Variants in SRBD1 observed in about 807,000 individuals in gnomAD.
SRBD1 encodes S1 RNA-binding domain-containing protein 1.
SRBD1 carries 88 observed loss-of-function variants against 115.3 expected under a neutral mutation model. The ratio of observed to expected loss-of-function variants is 0.76; its 90% confidence interval spans 0.64 to 0.91. The LOEUF is 0.91. Ranked by LOEUF, SRBD1 falls within the 40% of genes least tolerant of loss-of-function variation. SRBD1 has a pLI of 0.00. For missense variants in SRBD1, 1,385 were observed against 1,177.4 expected, an observed-to-expected ratio of 1.18 and a Z score of -2.58; for synonymous variants, 509 against 407.7, an observed-to-expected ratio of 1.25 and a Z score of -2.99.
chr2:45,546,312 C>G, intron 14 of SRBD1: 1 of 985,410 alleles, frequency 1.0e-6, no homozygotes, highest in Non-Finnish European at 1.2e-6. Context: ...ATTCATAATA[C>G]TTACCTTGGC....
In SRBD1 at chr2:45,392,938, T is replaced by C; in HGVS notation, c.2698+7A>G. The C allele has an allele frequency of 6.3e-7, 1 of 1,597,548 alleles. No homozygotes were observed. The highest frequency in any genetic ancestry group is 8.5e-7 in the Non-Finnish European group (1 of 1,170,766). On this transcript the variant is annotated splice_region_variant and intron_variant, in intron 20 of 20. Coordinates refer to ENST00000263736, the MANE Select transcript of SRBD1 (RefSeq NM_018079.5). ...CAAGGTGCTATAATTCAAGTTCAAC[T>C]GTTTACCTGTTCGAAAGTCAAAGCT...
At chr2:45,561,565 GC>G (rs1016497081) in intron 10 of SRBD1, among the ~76,000 whole-genome samples, 1 of 152,130 alleles carries the variant, frequency 6.6e-6, no homozygotes, top group African/African-American at 2.4e-5. Context: ...CACAGAACTA[GC>G]TGGTGATGAA....
Position 45,599,529 on chromosome 2 carries a change from G to GCC in SRBD1, c.567_568insGG (p.Pro190GlyfsTer22). 1 of 1,614,204 alleles carries GCC rather than the reference G, an allele frequency of 6.2e-7. No homozygotes were observed. ...GGAAACTTGACAGGCTGCCCCTGAGGATATGTCTCAGTCTTGATTTTCTTT... is the reference window on the plus strand; with the variant it reads ...GGAAACTTGACAGGCTGCCCCTGAGGCCATATGTCTCAGTCTTGATTTTCTTT... On this transcript the variant is annotated frameshift_variant, in exon 4 of 21. Transcript: ENST00000263736. LOFTEE classifies it high-confidence loss of function.
At chr2:45,512,731 G>C (rs1671006512) in intron 14 of SRBD1, among the ~76,000 whole-genome samples, 1 of 152,122 alleles carries the variant, frequency 6.6e-6, no homozygotes, top group African/African-American at 2.4e-5. Context: ...TTTTTACATT[G>C]CCAAAGATTC....
intron 16 of SRBD1, among the ~76,000 whole-genome samples, chr2:45,452,448 G>T (rs959458923): frequency 6.6e-6 from 1 of 151,888 alleles, no homozygotes; most frequent in African/African-American, 2.4e-5. Flanking sequence ...AATTAATTAT[G>T]CAGAGATATA....
At chr2:45,469,323 G>A (rs773716119) in intron 16 of SRBD1, among the ~76,000 whole-genome samples, 1 of 152,124 alleles carries the variant, frequency 6.6e-6, no homozygotes, top group Non-Finnish European at 1.5e-5. Context: ...TTTAGAAACT[G>A]TAACAGTGAT....
intron 16 of SRBD1, among the ~76,000 whole-genome samples, chr2:45,457,461 A>G (rs1210310272): frequency 4.6e-5 from 7 of 151,928 alleles, no homozygotes; most frequent in African/African-American, 1.7e-4. Flanking sequence ...TGTGCATATG[A>G]AAATATTCAC....
At chr2:45,591,734 C>G (rs190983832) in intron 4 of SRBD1, among the ~76,000 whole-genome samples, 5 of 152,254 alleles carry the variant, frequency 3.3e-5, no homozygotes, top group Admixed American at 3.3e-4. Flanking sequence ...GGTGATGGTT[C>G]AGCAATTATC....
rs369995385 is a variant in SRBD1 at position 45,433,623 on chromosome 2, AGT to A, written c.2050-13731_2050-13730del. Reference sequence around the variant, plus strand: ...GAGGCTGGGAAACATTTGAGAAAACAGTGTGTGCTTAAGAAAGCTCCTCCTCC... The same window carrying A: ...GAGGCTGGGAAACATTTGAGAAAACAGTGTGCTTAAGAAAGCTCCTCCTCC... On this transcript the variant is annotated intron_variant, in intron 16 of 20. Transcript: ENST00000263736. 5.6e-3 allele frequency among the ~76,000 whole-genome samples: 851 copies of A among 152,332 alleles called. 10 individuals carry two copies. Among genetic ancestry groups the A allele is most frequent in the African/African-American group, 0.019 (797 of 41,580 alleles).
At chr2:45,589,469 G>C (rs1054967307) in intron 4 of SRBD1, among the ~76,000 whole-genome samples, 3 of 152,222 alleles carry the variant, frequency 2.0e-5, no homozygotes, top group African/African-American at 4.8e-5. Flanking sequence ...GAAAGACAGA[G>C]ATGACAGGTG....
intron 11 of SRBD1, 121 bp downstream of exon 11, chr2:45,553,502 G>A: frequency 1.9e-6 from 1 of 530,760 alleles, no homozygotes; most frequent in Non-Finnish European, 3.1e-6. Flanking sequence ...AACACTTTGT[G>A]ATGCTGACTA....
intron 16 of SRBD1, among the ~76,000 whole-genome samples, chr2:45,463,141 A>C (rs1440322355): frequency 1.3e-5 from 2 of 152,096 alleles, no homozygotes; most frequent in Non-Finnish European, 2.9e-5. Context: ...CTATAGCATA[A>C]GATAGATTGG....
intron 4 of SRBD1, 55 bp downstream of exon 4, chr2:45,599,394 A>T: frequency 6.4e-7 from 1 of 1,568,032 alleles, no homozygotes; most frequent in Non-Finnish European, 8.6e-7. Flanking sequence ...CCCCTATGCT[A>T]GTCAAAAAGA....
chr2:45,418,236 T>C, intron 18 of SRBD1, 129 bp downstream of exon 18: 2 of 1,074,932 alleles, frequency 1.9e-6, no homozygotes. Flanking sequence ...GGACAGTCAC[T>C]CAACACTTAA....
intron 14 of SRBD1, among the ~76,000 whole-genome samples, chr2:45,497,730 T>C (rs1572703774): frequency 9.0e-6 from 1 of 111,294 alleles, no homozygotes; most frequent in Non-Finnish European, 2.3e-5. Flanking sequence ...CAATTTCATA[T>C]AATTTTTTTT....
At chr2:45,513,668 T>A (rs558242405) in intron 14 of SRBD1, among the ~76,000 whole-genome samples, 1 of 152,300 alleles carries the variant, frequency 6.6e-6, no homozygotes, top group Non-Finnish European at 1.5e-5. Flanking sequence ...TTAGAGCAGA[T>A]CTTTGAGGGT....
intron 16 of SRBD1, among the ~76,000 whole-genome samples, chr2:45,421,510 CAAAAAAAAAAAAAAAAAAAAAA>C (rs869298079): frequency 2.7e-4 from 6 of 22,296 alleles, no homozygotes; most frequent in South Asian, 1.8e-3. Context: ...CCGTCTCAAA[CAAAAAAAAAAAAAAAAAAAAAA>C]AAAAAAAAAA....
At chr2:45,493,286 T>G (rs11897619) in intron 14 of SRBD1, among the ~76,000 whole-genome samples, 15,186 of 152,206 alleles carry the variant, frequency 0.1, 1,117 homozygotes, top group African/African-American at 0.21. Context: ...TCTTAATTAT[T>G]TGCATATGAG....
intron 16 of SRBD1, among the ~76,000 whole-genome samples, chr2:45,465,295 T>A (rs901174369): frequency 6.6e-6 from 1 of 152,186 alleles, no homozygotes; most frequent in Non-Finnish European, 1.5e-5. Flanking sequence ...CTGTACATGT[T>A]CAGTACAGAT....
Sources: gnomAD v4.1 joint callset for allele counts (sites outside exome capture counted in the v4.1 genomes callset) on GRCh38, gnomAD v4.1.1 for gene constraint, MANE v1.5 for transcripts, NCBI Gene and HGNC (gene_info 2026-07-23, HGNC 2026-07-21) for gene names.